RCAN2: variants seen among roughly 807,000 people sequenced by gnomAD.
RCAN2 encodes the protein calcipressin-2.
Under a neutral mutation model 23.6 loss-of-function variants are expected in RCAN2, and 9 were observed. That is an observed-to-expected ratio of 0.38 (90% CI 0.23 to 0.67). The LOEUF (loss-of-function observed/expected upper bound fraction) is 0.67, where lower values mean the gene tolerates loss of function less well. RCAN2 is among the 30% of genes least tolerant of loss of function. The pLI is 0.51. For missense variants in RCAN2, 273 were observed against 302.3 expected (o/e 0.90, Z 0.72); for synonymous variants, 109 against 115.7 (o/e 0.94, Z 0.37).
At chr6:46,491,016 A>ACCGCCCCCGCCC (rs1280186467) in intron 1 of RCAN2, among the ~76,000 whole-genome samples, 157 bp downstream of exon 1, 10 of 130,128 alleles carry the variant, frequency 7.7e-5, no homozygotes, top group African/African-American at 3.1e-4. Context: ...CACCCCCGCC[A>ACCGCCCCCGCCC]CCGCCCCCGC....
At chr6:46,390,170 G>A (rs528876242) in intron 2 of RCAN2, among the ~76,000 whole-genome samples, 8 of 152,274 alleles carry the variant, frequency 5.3e-5, no homozygotes, top group African/African-American at 1.9e-4. Flanking sequence ...AATTTTCAAG[G>A]CAGTTGATAT....
At chr6:46,390,019 CAAAA>C (rs34443128) in intron 2 of RCAN2, among the ~76,000 whole-genome samples, 294 of 137,680 alleles carry the variant, frequency 2.1e-3, no homozygotes, top group South Asian at 0.011. Context: ...TATTCGAGAC[CAAAA>C]AAAAAAAAAA....
intron 2 of RCAN2, among the ~76,000 whole-genome samples, chr6:46,367,208 G>C (rs1765202545): frequency 6.6e-6 from 1 of 151,462 alleles, no homozygotes; most frequent in Admixed American, 6.6e-5. Context: ...GGCTTAAGAA[G>C]TGGAAAAGTC....
intron 4 of RCAN2, among the ~76,000 whole-genome samples, chr6:46,223,631 T>C (rs1258242136): frequency 6.6e-6 from 1 of 152,172 alleles, no homozygotes; most frequent in Non-Finnish European, 1.5e-5. Flanking sequence ...TCGTATTAGT[T>C]TCTCTTCTAT....
chr6:46,233,720 T>TC (rs1765985952), intron 4 of RCAN2, among the ~76,000 whole-genome samples: 1 of 140,718 alleles, frequency 7.1e-6, no homozygotes, highest in African/African-American at 2.6e-5. Context: ...GAAGAACACT[T>TC]CTTTTTTTTT....
intron 2 of RCAN2, among the ~76,000 whole-genome samples, chr6:46,326,164 A>T (rs1443194111): frequency 6.6e-5 from 10 of 152,202 alleles, no homozygotes; most frequent in Non-Finnish European, 2.9e-5. Flanking sequence ...TCTGTCATTT[A>T]GGGAGCATGG....
chr6:46,267,264 C>A (rs1299799637), intron 2 of RCAN2, among the ~76,000 whole-genome samples: 1 of 151,972 alleles, frequency 6.6e-6, no homozygotes, highest in Non-Finnish European at 1.5e-5. Flanking sequence ...TCATGGTAGA[C>A]CACTTGGAAA....
At chr6:46,449,626 T>C (rs1023834303) in intron 2 of RCAN2, among the ~76,000 whole-genome samples, 1 of 151,746 alleles carries the variant, frequency 6.6e-6, no homozygotes, top group Admixed American at 6.6e-5. Flanking sequence ...AAAACAGGCA[T>C]GTGGACCAAT....
intron 2 of RCAN2, among the ~76,000 whole-genome samples, chr6:46,260,597 C>T (rs1436335517): frequency 6.6e-6 from 1 of 152,172 alleles, no homozygotes; most frequent in Non-Finnish European, 1.5e-5. Context: ...GTTGTTCTGA[C>T]TCCATGCAGT....
chr6:46,334,160 G>A (rs73452293), intron 2 of RCAN2, among the ~76,000 whole-genome samples: 5,151 of 152,232 alleles, frequency 0.034, 270 homozygotes, highest in African/African-American at 0.11. Context: ...AGCCTATCTA[G>A]GTAGCACTCC....
chr6:46,340,132 T>C (rs1006070900), intron 2 of RCAN2, among the ~76,000 whole-genome samples: 5 of 152,206 alleles, frequency 3.3e-5, no homozygotes, highest in Admixed American at 3.3e-4. Flanking sequence ...CTTCCTTTCA[T>C]GGACAGATTA....
intron 2 of RCAN2, among the ~76,000 whole-genome samples, chr6:46,451,849 A>T (rs1347520313): frequency 6.6e-6 from 1 of 152,164 alleles, no homozygotes; most frequent in East Asian, 1.9e-4. Context: ...CCACATGCCC[A>T]TTCTAGTAGA....
At chr6:46,328,275 C>A (rs536323456) in intron 2 of RCAN2, among the ~76,000 whole-genome samples, 6 of 152,146 alleles carry the variant, frequency 3.9e-5, no homozygotes, top group Admixed American at 2.6e-4. Flanking sequence ...TTTAAAATAT[C>A]TTTTCAAGGA....
intron 2 of RCAN2, among the ~76,000 whole-genome samples, chr6:46,411,164 C>T (rs1766540447): frequency 6.6e-6 from 1 of 152,148 alleles, no homozygotes; most frequent in African/African-American, 2.4e-5. Flanking sequence ...TGTCATATAC[C>T]TATGATGGAA....
At chr6:46,338,874 G>C (rs901510138) in intron 2 of RCAN2, among the ~76,000 whole-genome samples, 2 of 151,940 alleles carry the variant, frequency 1.3e-5, no homozygotes, top group African/African-American at 2.4e-5. Flanking sequence ...AAATAGCCGG[G>C]TATGGTGATG....
intron 2 of RCAN2, among the ~76,000 whole-genome samples, chr6:46,291,595 TAAC>T (rs1291909258): frequency 2.6e-5 from 4 of 151,768 alleles, no homozygotes; most frequent in Admixed American, 1.3e-4. Context: ...TTTTTCTTCC[TAAC>T]AACAACAACA....
chr6:46,320,569 G>A (rs1197890975), intron 2 of RCAN2, among the ~76,000 whole-genome samples: 1 of 152,198 alleles, frequency 6.6e-6, no homozygotes, highest in Admixed American at 6.5e-5. Flanking sequence ...AAAATGCACA[G>A]AGCAGTAGGG....
At chr6:46,435,005 A>G (rs1403640911) in intron 2 of RCAN2, among the ~76,000 whole-genome samples, 1 of 152,240 alleles carries the variant, frequency 6.6e-6, no homozygotes, top group Non-Finnish European at 1.5e-5. Context: ...ATTTCTGGCA[A>G]CAAAGTCTCT....
At chr6:46,392,672 G>T (rs1765969751) in intron 2 of RCAN2, among the ~76,000 whole-genome samples, 1 of 152,110 alleles carries the variant, frequency 6.6e-6, no homozygotes, top group South Asian at 2.1e-4. Flanking sequence ...ATTATTTGTT[G>T]TGCCATGAGT....
Sources: allele counts gnomAD v4.1 joint callset (sites outside exome capture counted in the v4.1 genomes callset), GRCh38; gene constraint gnomAD v4.1.1; transcripts MANE v1.5; gene names NCBI Gene and HGNC (gene_info 2026-07-23, HGNC 2026-07-21).